The following CCDC85C variants were observed in gnomAD, a reference collection of about 807,000 sequenced individuals.
The protein encoded by CCDC85C is coiled-coil domain containing 85C.
CCDC85C carries 18 observed loss-of-function variants against 38.3 expected under a neutral mutation model. The observed-to-expected ratio is 0.47, with a 90% confidence interval of 0.33 to 0.70. The LOEUF (loss-of-function observed/expected upper bound fraction) is 0.70. CCDC85C is among the 30% of genes least tolerant of loss of function. The pLI is 0.03. For synonymous variants in CCDC85C, 264 were observed against 293.8 expected (o/e 0.90, Z 1.04); for missense variants, 566 against 621.2 (o/e 0.91, Z 0.94).
Position 99,517,141 on chromosome 14 carries a change from C to G in CCDC85C, c.1018G>C (p.Ala340Pro). Residue 340 changes from alanine to proline, a missense_variant, in exon 4 of 6, where the codon GCT (alanine) becomes CCT (proline). Physicochemically the swap from Ala to Pro is conservative, Grantham distance 27. Around this residue, in one of 3 missense-constraint regions of CCDC85C, gnomAD observed 286 missense variants for 276.4 expected, o/e 1.03. Transcript: ENST00000380243. ...TTCTGTCCTGCAGGGCTGTAGCCAG[C>G]AGAGGGGGGCGAGGGCAGCTCAGGT... ...PAPELPSPPS[A>P]GYSPAGQKPE... 6.5e-7 allele frequency: 1 copy of G among 1,550,058 alleles called. No individual in the cohort carries two copies. The highest frequency in any genetic ancestry group is 8.7e-7 in the Non-Finnish European group (1 of 1,146,726).
intron 2 of CCDC85C, among the ~76,000 whole-genome samples, chr14:99,529,823 G>T (rs562826942): frequency 1.3e-5 from 2 of 152,352 alleles, no homozygotes; most frequent in South Asian, 4.1e-4. Context: ...GGCTGGCGGA[G>T]GCTATGGCTG....
intron 3 of CCDC85C, among the ~76,000 whole-genome samples, chr14:99,518,636 G>A (rs959064775): frequency 1.3e-5 from 2 of 152,174 alleles, no homozygotes; most frequent in Non-Finnish European, 2.9e-5. Context: ...GGGAGACCTG[G>A]GCACCTACAC....
chr14:99,524,377 T>C (rs1897344699), intron 2 of CCDC85C, among the ~76,000 whole-genome samples: 1 of 151,874 alleles, frequency 6.6e-6, no homozygotes, highest in South Asian at 2.1e-4. Context: ...CTCGACCAAA[T>C]GGGCTCCCAC....
In CCDC85C at chr14:99,533,531, TG is replaced by T. The variant is rs1266166003; in HGVS notation, c.867+2483del. Among the ~76,000 whole-genome samples, 4 of 152,268 alleles carry T rather than the reference TG, an allele frequency of 2.6e-5. No homozygotes were observed. Among genetic ancestry groups the T allele is most frequent in the Non-Finnish European group, 5.9e-5 (4 of 68,042 alleles). On this transcript the variant is annotated intron_variant, in intron 2 of 5. Coordinates refer to ENST00000380243, the MANE Select transcript of CCDC85C (RefSeq NM_001144995.2). The surrounding 1 kb of genome is among the most constrained non-coding windows in gnomAD (Gnocchi z 4.2). ...CAACAAGCAGGCAACAGTGGGTTTC[TG>T]TCCCTAAATTCCAGTCCAACTGCCT... is the stretch of plus-strand genomic sequence containing the variant.
At chr14:99,570,654 A>G (rs1898319053) in intron 1 of CCDC85C, among the ~76,000 whole-genome samples, 1 of 152,056 alleles carries the variant, frequency 6.6e-6, no homozygotes, top group Non-Finnish European at 1.5e-5. Context: ...ACCTCAAGAG[A>G]GCTATCCTAC....
intron 1 of CCDC85C, among the ~76,000 whole-genome samples, chr14:99,542,021 C>T (rs1345736392): frequency 1.3e-5 from 2 of 152,214 alleles, no homozygotes; most frequent in East Asian, 1.9e-4. Flanking sequence ...CAGGCAGGCT[C>T]GTGGCAGGTC....
At chr14:99,526,476 C>T (rs1897385841) in intron 2 of CCDC85C, among the ~76,000 whole-genome samples, 1 of 152,182 alleles carries the variant, frequency 6.6e-6, no homozygotes, top group South Asian at 2.1e-4. Context: ...TCCCACCAAT[C>T]CCACTCCCAC....
chr14:99,515,635 C>G (rs1897210817), intron 5 of CCDC85C, among the ~76,000 whole-genome samples: 1 of 152,080 alleles, frequency 6.6e-6, no homozygotes, highest in Non-Finnish European at 1.5e-5. Flanking sequence ...GCCTCTCGCC[C>G]CCCCTTTAAG....
Position 99,569,357 on chromosome 14 carries a change from G to A in CCDC85C, c.794-33269C>T, listed in dbSNP as rs1202369612. Among the ~76,000 whole-genome samples the A allele has an allele frequency of 6.6e-6, 1 of 152,182 alleles. No individual in the cohort carries two copies. Among genetic ancestry groups the A allele is most frequent in the Non-Finnish European group, 1.5e-5 (1 of 68,026 alleles). On this transcript the variant is annotated intron_variant, in intron 1 of 5. Coordinates refer to ENST00000380243, the MANE Select transcript of CCDC85C (RefSeq NM_001144995.2). This position sits in a 1 kb window ranked among gnomAD's most constrained non-coding sequence, Gnocchi z 4.3. Reference sequence around the variant, plus strand: ...AAACAGGCTGCTGGGCCAGTGGGGTGTGTGCTCGGCTCCACCAGACAGTAT... The same window carrying A: ...AAACAGGCTGCTGGGCCAGTGGGGTATGTGCTCGGCTCCACCAGACAGTAT...
intron 5 of CCDC85C, among the ~76,000 whole-genome samples, chr14:99,515,906 G>T (rs909434591): frequency 2.5e-4 from 38 of 152,024 alleles, no homozygotes; most frequent in African/African-American, 9.2e-4. Context: ...TCCCGGGGGG[G>T]TGGGGGGCTC....
At chr14:99,540,943 A>G (rs1363222618) in intron 1 of CCDC85C, among the ~76,000 whole-genome samples, 1 of 152,102 alleles carries the variant, frequency 6.6e-6, no homozygotes, top group African/African-American at 2.4e-5. Context: ...ACCAGGACTC[A>G]CTGGCCTTCT....
chr14:99,549,236 A>G (rs1210855440), intron 1 of CCDC85C, among the ~76,000 whole-genome samples: 1 of 152,252 alleles, frequency 6.6e-6, no homozygotes, highest in African/African-American at 2.4e-5. Flanking sequence ...TTAAAGGAAG[A>G]AAGTCTGGGC....
At position 99,510,202 on chromosome 14, in the gene CCDC85C, C is replaced by T. The variant is rs779396416; in HGVS notation, c.*5044G>A. 2.4e-5 allele frequency: 38 copies of T among 1,597,242 alleles called. No homozygotes were observed. The highest frequency in any genetic ancestry group is 2.0e-4 in the East Asian group (9 of 44,358). On this transcript the variant is annotated 3_prime_UTR_variant, in exon 6 of 6. Coordinates refer to ENST00000380243, the MANE Select transcript of CCDC85C (RefSeq NM_001144995.2). ...GCTGCCTTAGGTGAGGCTGAGCCGC[C>T]GGGCCCTGTGGATGCCACTGACCTC... is the stretch of plus-strand genomic sequence containing the variant.
intron 1 of CCDC85C, among the ~76,000 whole-genome samples, chr14:99,567,198 A>AGCGCCTGGG (rs59554600): frequency 0.53 from 80,667 of 151,616 alleles, 21,614 homozygotes; most frequent in Admixed American, 0.57. Flanking sequence ...CAGTCACAGG[A>AGCGCCTGGG]AGAGCAGGTT....
In CCDC85C at chr14:99,511,196, G is replaced by T. The variant is rs1897122179; in HGVS notation, c.*4050C>A. On this transcript the variant is annotated 3_prime_UTR_variant, in exon 6 of 6. Transcript: ENST00000380243. Reference sequence around the variant, plus strand: ...CAATTCCATCTGAAGCCAAGCTGTTGTCATTTTCATTCGGTGACATTCTCT... The same window carrying T: ...CAATTCCATCTGAAGCCAAGCTGTTTTCATTTTCATTCGGTGACATTCTCT... 6.5e-6 allele frequency: 1 copy of T among 154,716 alleles called. No homozygotes were observed. The highest frequency in any genetic ancestry group is 2.1e-4 in the South Asian group (1 of 4,848). The allele number at this position is 154,716 out of a possible 1,614,324, so 9.6% of individuals were successfully genotyped here. A position where few individuals can be genotyped will look rare whatever the true frequency, so the allele number is the denominator to read the frequency against.
intron 2 of CCDC85C, among the ~76,000 whole-genome samples, chr14:99,528,375 G>A (rs1006464583): frequency 6.6e-6 from 1 of 152,230 alleles, no homozygotes; most frequent in African/African-American, 2.4e-5. Context: ...GAGCCGGAGT[G>A]GTTTTCCCAC....
At chr14:99,574,963 G>A (rs1329130786) in intron 1 of CCDC85C, among the ~76,000 whole-genome samples, 1 of 152,226 alleles carries the variant, frequency 6.6e-6, no homozygotes, top group Non-Finnish European at 1.5e-5. Flanking sequence ...ACCCTGAGAA[G>A]CCAGTGACTG....
intron 3 of CCDC85C, among the ~76,000 whole-genome samples, chr14:99,519,422 G>A (rs1228445276): frequency 6.6e-6 from 1 of 151,800 alleles, no homozygotes; most frequent in Non-Finnish European, 1.5e-5. Context: ...TGGCCTACAT[G>A]CCCACTTTAC....
intron 1 of CCDC85C, chr14:99,579,916 C>T: frequency 2.9e-6 from 1 of 342,724 alleles, no homozygotes; most frequent in East Asian, 9.1e-5. Flanking sequence ...CCACCCTGCC[C>T]ACCCCCGTCT....
Sources: allele counts gnomAD v4.1 joint callset (sites outside exome capture counted in the v4.1 genomes callset), GRCh38; gene constraint gnomAD v4.1.1; regional missense constraint gnomAD v4.1.1; non-coding constraint Gnocchi (gnomAD v3.1); transcripts MANE v1.5; gene names NCBI Gene and HGNC (gene_info 2026-07-23, HGNC 2026-07-21).